CSMD1: variants seen among roughly 807,000 people sequenced by gnomAD.
CSMD1 encodes CUB and Sushi multiple domains 1.
CSMD1 carries 213 observed loss-of-function variants against 417.5 expected under a neutral mutation model. The observed-to-expected ratio is 0.51, with a 90% confidence interval of 0.46 to 0.57. CSMD1 has a LOEUF of 0.57. CSMD1 is among the 20% of genes least tolerant of loss of function. The probability of loss-of-function intolerance (pLI) is 0.00; values close to 1 mark genes in which losing one functional copy is unlikely to be tolerated. For synonymous variants in CSMD1, 2,862 were observed against 1,736.8 expected (o/e 1.65, Z -16.11); for missense variants, 6,923 against 4,529.7 (o/e 1.53, Z -15.17).
chr8:3,506,471 G>C (rs1390471652), intron 10 of CSMD1, among the ~76,000 whole-genome samples: 1 of 152,184 alleles, frequency 6.6e-6, no homozygotes, highest in African/African-American at 2.4e-5. Flanking sequence ...TGGCCAGAAA[G>C]GGGGAATAAG....
intron 9 of CSMD1, among the ~76,000 whole-genome samples, chr8:3,576,328 C>T (rs1396618804): frequency 5.3e-5 from 8 of 150,698 alleles, no homozygotes; most frequent in Admixed American, 5.3e-4. Context: ...CCTCATAATG[C>T]TTCTTTAATC....
intron 46 of CSMD1, 25 bp downstream of exon 46, chr8:3,106,503 A>T: frequency 4.3e-6 from 6 of 1,393,478 alleles, no homozygotes; most frequent in Non-Finnish European, 6.1e-6. Context: ...AAGTTTATGT[A>T]GTTTTAGTAT....
intron 1 of CSMD1, among the ~76,000 whole-genome samples, chr8:4,794,062 G>T (rs535122147): frequency 3.9e-5 from 6 of 152,064 alleles, no homozygotes; most frequent in East Asian, 1.9e-4. Context: ...TTGCCTTAAG[G>T]TTGGATTTAT....
At chr8:3,949,792 T>G (rs1811485901) in intron 5 of CSMD1, among the ~76,000 whole-genome samples, 1 of 152,136 alleles carries the variant, frequency 6.6e-6, no homozygotes, top group Non-Finnish European at 1.5e-5. Flanking sequence ...CTGTTGCCTC[T>G]AACACATGGA....
intron 5 of CSMD1, among the ~76,000 whole-genome samples, chr8:3,761,838 A>C (rs571203965): frequency 1.3e-5 from 2 of 151,852 alleles, no homozygotes; most frequent in South Asian, 4.2e-4. Flanking sequence ...CATTTCTTCC[A>C]CCCGGAGCGG....
chr8:3,492,705 G>C (rs913630554), intron 11 of CSMD1, among the ~76,000 whole-genome samples: 3 of 152,154 alleles, frequency 2.0e-5, no homozygotes, highest in African/African-American at 7.2e-5. Flanking sequence ...CTGCAGAACA[G>C]TCTGTGATCC....
At chr8:4,100,395 T>C (rs10156240) in intron 3 of CSMD1, among the ~76,000 whole-genome samples, 152,233 of 152,326 alleles carry the variant, frequency 1, 76,070 homozygotes, top group Middle Eastern at 1. Context: ...CTTCCCTGTG[T>C]CTAGTCAGCC....
At chr8:3,280,674 G>A (rs1279443674) in intron 26 of CSMD1, among the ~76,000 whole-genome samples, 1 of 152,050 alleles carries the variant, frequency 6.6e-6, no homozygotes, top group Non-Finnish European at 1.5e-5. Flanking sequence ...GTATAAAAAT[G>A]ACAATTTCAT....
chr8:3,195,247 C>T (rs1467124129), intron 33 of CSMD1, among the ~76,000 whole-genome samples: 2 of 152,090 alleles, frequency 1.3e-5, no homozygotes, highest in East Asian at 1.9e-4. Flanking sequence ...CAGAGGGATG[C>T]GGGAGAAGAC....
At chr8:3,798,080 T>A (rs908748486) in intron 5 of CSMD1, among the ~76,000 whole-genome samples, 2 of 152,022 alleles carry the variant, frequency 1.3e-5, no homozygotes, top group African/African-American at 4.8e-5. Context: ...AGTATTGTGA[T>A]GATTGAAGTC....
intron 8 of CSMD1, among the ~76,000 whole-genome samples, chr8:3,597,226 G>C (rs909760509): frequency 3.3e-5 from 5 of 152,056 alleles, no homozygotes; most frequent in Admixed American, 6.5e-5. Context: ...GTAAACATCG[G>C]GCCCCAGGGG....
chr8:3,793,195 G>T (rs934456932), intron 5 of CSMD1, among the ~76,000 whole-genome samples: 3 of 152,116 alleles, frequency 2.0e-5, no homozygotes, highest in Admixed American at 2.0e-4. Flanking sequence ...TTTCTGTTTA[G>T]CAATTTTTCT....
Position 3,087,121 on chromosome 8 carries a change from C to G in CSMD1, c.7450G>C (p.Asp2484His). Residue 2484 changes from aspartate (D) to histidine (H), a missense_variant, in exon 49 of 70, where the codon GAC becomes CAC. Physicochemically the swap from Asp to His is moderately conservative, Grantham distance 81 (BLOSUM62 -1). Transcript: ENST00000635120. ...RRNPLGMYQW[D>H]SLTPLCQAVS... is the part of the protein sequence containing the mutation. ...CCCTGGCAGAGTGGCGTGAGGGAGT[C>G]CCACTGGTACATGCCAAGTGGGTTT... 1 of 1,613,480 alleles carries G rather than the reference C, an allele frequency of 6.2e-7. No individual in the cohort carries two copies. Among genetic ancestry groups the G allele is most frequent in the Non-Finnish European group, 8.5e-7 (1 of 1,179,856 alleles).
chr8:4,206,131 A>T (rs1000045123), intron 3 of CSMD1, among the ~76,000 whole-genome samples: 8 of 152,288 alleles, frequency 5.3e-5, no homozygotes, highest in African/African-American at 1.9e-4. Flanking sequence ...TAGGGAGGGT[A>T]TTTTACCTTT....
intron 23 of CSMD1, 127 bp from the exon 24 acceptor site, chr8:3,308,630 T>C: frequency 1.5e-6 from 1 of 687,394 alleles, no homozygotes; most frequent in South Asian, 2.1e-5. Flanking sequence ...GATTGTGAAT[T>C]TACAAAGGGG....
At chr8:3,699,856 ACTACATCCCTGGGTTATATCCCATAG>A (rs1563286074) in intron 7 of CSMD1, among the ~76,000 whole-genome samples, 3 of 147,654 alleles carry the variant, frequency 2.0e-5, no homozygotes, top group Non-Finnish European at 2.9e-5. Flanking sequence ...CCATCCCATA[ACTACATCCCTGGGTTATATCCCATAG>A]CTACATCCCT....
intron 5 of CSMD1, among the ~76,000 whole-genome samples, chr8:3,861,387 T>C (rs963429105): frequency 3.9e-5 from 6 of 152,202 alleles, no homozygotes; most frequent in Admixed American, 6.5e-5. Context: ...GCAGACAGCA[T>C]TGTTCATGGT....
At chr8:4,725,385 C>A (rs1056150736) in intron 1 of CSMD1, among the ~76,000 whole-genome samples, 1 of 152,080 alleles carries the variant, frequency 6.6e-6, no homozygotes, top group African/African-American at 2.4e-5. Flanking sequence ...TGTTGTTTTG[C>A]TTGTGAAAGC....
chr8:4,471,497 C>T (rs995097011), intron 2 of CSMD1, among the ~76,000 whole-genome samples: 8 of 152,114 alleles, frequency 5.3e-5, no homozygotes, highest in Non-Finnish European at 1.5e-5. Context: ...AAACATGGCT[C>T]AGTGTCTGGG....
Sources: allele counts gnomAD v4.1 joint callset (sites outside exome capture counted in the v4.1 genomes callset), GRCh38; gene constraint gnomAD v4.1.1; transcripts MANE v1.5; gene names NCBI Gene and HGNC (gene_info 2026-07-23, HGNC 2026-07-21).